The following TENM4 variants were observed in gnomAD, a reference collection of about 807,000 sequenced individuals.
The protein encoded by TENM4 is teneurin-4.
In TENM4, 82 loss-of-function variants were observed where a neutral mutation model predicts 243.3. That is an observed-to-expected ratio of 0.34 (90% CI 0.28 to 0.40). TENM4 has a LOEUF of 0.40. Ranked by LOEUF, TENM4 falls within the 10% of genes least tolerant of loss-of-function variation. The pLI is 1.00. For missense variants in TENM4, 3,138 were observed against 3,673.3 expected, an observed-to-expected ratio of 0.85 and a Z score of 3.77; for synonymous variants, 1,412 against 1,456.3, an observed-to-expected ratio of 0.97 and a Z score of 0.69.
In TENM4 at chr11:78,984,652, T is replaced by C. The variant is rs978183652; in HGVS notation, c.493+80086A>G. 7.2e-5 allele frequency among the ~76,000 whole-genome samples: 11 copies of C among 152,314 alleles called. No homozygotes were observed. The South Asian group carries it at 2.3e-3, about 32-fold the overall frequency. On this transcript the variant is annotated intron_variant, in intron 6 of 33. Coordinates refer to ENST00000278550, the MANE Select transcript of TENM4 (RefSeq NM_001098816.3). ...ATTGCCATAATGTTCTTCCTTCTAA[T>C]GCACCAAAATACTGTCATTACTGCT...
intron 12 of TENM4, among the ~76,000 whole-genome samples, chr11:78,835,610 C>T (rs1858085253): frequency 6.6e-6 from 1 of 152,196 alleles, no homozygotes; most frequent in Admixed American, 6.5e-5. Flanking sequence ...CTGGCTCTTC[C>T]TCTAATTATT....
Position 79,285,756 on chromosome 11 carries a change from C to CAA in TENM4, c.-265+11730_-265+11731dup, listed in dbSNP as rs112864533. On this transcript the variant is annotated intron_variant, in intron 2 of 33. Transcript: ENST00000278550. ...AGACATTATGCTAAGTGAAAAAAAC[C>CAA]AAAAAAAAAACAGACACAAAGGCAA... 5.8e-5 allele frequency among the ~76,000 whole-genome samples: 8 copies of CAA among 137,960 alleles called. No individual in the cohort carries two copies. The East Asian group carries it at 8.2e-4, about 14-fold the overall frequency. 90.5% of individuals were successfully genotyped at this position (137,960 alleles called of 152,430 possible).
chr11:79,060,764 A>C (rs1294728665), intron 6 of TENM4, among the ~76,000 whole-genome samples: 3 of 152,228 alleles, frequency 2.0e-5, no homozygotes, highest in Admixed American at 6.5e-5. Flanking sequence ...GCAAATGGGA[A>C]TGCCACTGAG....
At chr11:79,249,687 C>T in intron 2 of TENM4, among the ~76,000 whole-genome samples, 1 of 152,212 alleles carries the variant, frequency 6.6e-6, no homozygotes, top group East Asian at 1.9e-4. Flanking sequence ...ATAAGCTGGT[C>T]ATTTAAAACC....
At position 79,301,143 on chromosome 11, in the gene TENM4, A is replaced by C. The variant is rs1268641682; in HGVS notation, c.-320-3600T>G. ...CAATTCTCTCACCACCTGAAGCCAG[A>C]AGTATTTTTTAAATGCAAATTGGGT... On this transcript the variant is annotated intron_variant, in intron 1 of 33. Transcript: ENST00000278550. 2.6e-5 allele frequency among the ~76,000 whole-genome samples: 4 copies of C among 152,196 alleles called. No homozygotes were observed. The East Asian group carries it at 7.7e-4, about 29-fold the overall frequency.
chr11:79,406,279 G>A (rs552827008), intron 1 of TENM4, among the ~76,000 whole-genome samples: 28 of 151,998 alleles, frequency 1.8e-4, no homozygotes, highest in Middle Eastern at 3.4e-3. Flanking sequence ...CTTTGTTTCT[G>A]GAATCAATTT....
At chr11:79,390,433 C>T (rs1240044859) in intron 1 of TENM4, among the ~76,000 whole-genome samples, 1 of 152,216 alleles carries the variant, frequency 6.6e-6, no homozygotes, top group Non-Finnish European at 1.5e-5. Flanking sequence ...TGTGCATAGA[C>T]AAGAGAACAG....
At chr11:78,983,174 A>C (rs1452674747) in intron 6 of TENM4, among the ~76,000 whole-genome samples, 1 of 152,214 alleles carries the variant, frequency 6.6e-6, no homozygotes, top group Non-Finnish European at 1.5e-5. Flanking sequence ...AAAATCTCAC[A>C]GTCTATTCAC....
intron 1 of TENM4, among the ~76,000 whole-genome samples, chr11:79,340,518 A>G (rs1031996537): frequency 3.3e-5 from 5 of 152,168 alleles, no homozygotes; most frequent in Non-Finnish European, 7.4e-5. Context: ...TGCACGGGAC[A>G]TCATACCACA....
intron 6 of TENM4, among the ~76,000 whole-genome samples, chr11:79,029,427 C>G (rs10437741): frequency 0.044 from 6,662 of 152,256 alleles, 419 homozygotes; most frequent in African/African-American, 0.14. Flanking sequence ...ACCTCCCCAC[C>G]CTCAATCAAT....
chr11:79,397,749 T>C (rs1565329569), intron 1 of TENM4, among the ~76,000 whole-genome samples: 1 of 152,304 alleles, frequency 6.6e-6, no homozygotes, highest in East Asian at 1.9e-4. Context: ...TCAGAATTTT[T>C]AGGGAGGGCT....
rs764557829 is a variant in TENM4 at position 78,756,984 on chromosome 11, G to A, written c.2577C>T (p.Leu859=). Residue 859 remains leucine (L), a synonymous_variant, in exon 19 of 34, where the codon CTC becomes CTT. Coordinates refer to ENST00000278550, the MANE Select transcript of TENM4 (RefSeq NM_001098816.3). ...LVDCMDPDCC[L]QPLCHINPLC... Reference sequence around the variant, plus strand: ...GCGGGTTGATATGGCACAGGGGCTGGAGGCAGCAGTCAGGGTCCATGCAGT... The same window carrying A: ...GCGGGTTGATATGGCACAGGGGCTGAAGGCAGCAGTCAGGGTCCATGCAGT... The A allele has an allele frequency of 6.2e-7, 1 of 1,613,980 alleles. No individual in the cohort carries two copies.
chr11:79,243,765 G>T (rs539194672), intron 2 of TENM4, among the ~76,000 whole-genome samples: 1 of 152,176 alleles, frequency 6.6e-6, no homozygotes, highest in Non-Finnish European at 1.5e-5. Context: ...AATGCAGGGC[G>T]CTAACCAAGA....
chr11:79,203,214 G>A (rs1863782226), intron 3 of TENM4, among the ~76,000 whole-genome samples: 1 of 151,848 alleles, frequency 6.6e-6, no homozygotes, highest in Non-Finnish European at 1.5e-5. Flanking sequence ...AAACATTCTG[G>A]AAGTTCTTCA....
chr11:79,018,475 C>T (rs1041488162), intron 6 of TENM4, among the ~76,000 whole-genome samples: 23 of 152,074 alleles, frequency 1.5e-4, no homozygotes, highest in African/African-American at 4.6e-4. Flanking sequence ...CACATCCCCC[C>T]ACACACATCC....
At chr11:79,057,513 C>T (rs1032710914) in intron 6 of TENM4, among the ~76,000 whole-genome samples, 3 of 152,204 alleles carry the variant, frequency 2.0e-5, no homozygotes, top group African/African-American at 7.2e-5. Flanking sequence ...CTGCACCTCC[C>T]CATGACACTG....
In TENM4 at chr11:78,738,442, G is replaced by T; in HGVS notation, c.2876+9C>A. 1.2e-6 allele frequency: 2 copies of T among 1,612,670 alleles called. No homozygotes were observed. The highest frequency in any genetic ancestry group is 1.7e-6 in the Non-Finnish European group (2 of 1,179,340). On this transcript the variant is annotated intron_variant, in intron 20 of 33. Coordinates refer to ENST00000278550, the MANE Select transcript of TENM4 (RefSeq NM_001098816.3). Reference sequence around the variant, plus strand: ...CTTCACTGTTTCTGGCTCATAGAAGGTCTCCTACCTGCCATCTTGCCTGCT... The same window carrying T: ...CTTCACTGTTTCTGGCTCATAGAAGTTCTCCTACCTGCCATCTTGCCTGCT...
chr11:79,260,769 AG>A (rs1855782498), intron 2 of TENM4, among the ~76,000 whole-genome samples: 1 of 152,186 alleles, frequency 6.6e-6, no homozygotes, highest in Non-Finnish European at 1.5e-5. Context: ...TACTGCCAAA[AG>A]GGCCCTCCCA....
In TENM4 at chr11:79,147,977, A is replaced by G. The variant is rs115125401; in HGVS notation, c.-66+733T>C. Among the ~76,000 whole-genome samples the G allele has an allele frequency of 7.0e-3, 1,068 of 152,240 alleles. 11 individuals are homozygous for G. Among genetic ancestry groups the G allele is most frequent in the African/African-American group, 0.024 (1,012 of 41,562 alleles). On this transcript the variant is annotated intron_variant, in intron 4 of 33. Transcript: ENST00000278550. ...GGAGGTCAGAGGCATGGTAGTGACT[A>G]TCTCTTCCTACCTTCCTTGTTTTCA...
Sources: gnomAD v4.1 joint callset for allele counts (sites outside exome capture counted in the v4.1 genomes callset) on GRCh38, gnomAD v4.1.1 for gene constraint, MANE v1.5 for transcripts, NCBI Gene and HGNC (gene_info 2026-07-23, HGNC 2026-07-21) for gene names.